The following ACTN2 variants were observed in gnomAD, a reference collection of about 807,000 sequenced individuals.
The protein encoded by ACTN2 is actinin alpha 2.
A neutral mutation model predicts 113.8 loss-of-function variants in ACTN2; 39 were observed. That is an observed-to-expected ratio of 0.34 (90% confidence interval 0.27 to 0.45). The LOEUF (loss-of-function observed/expected upper bound fraction) is 0.45. Among genes scored for constraint, ACTN2 ranks in the 20% least tolerant of loss-of-function variants. The probability of loss-of-function intolerance (pLI) is 1.00; values close to 1 mark genes in which losing one functional copy is unlikely to be tolerated. For synonymous variants in ACTN2, 429 were observed against 444.1 expected (o/e 0.97, Z 0.43); for missense variants, 992 against 1,177.9 (o/e 0.84, Z 2.31).
In ACTN2 at chr1:236,754,989, TC is replaced by T; in HGVS notation, c.1975-29del. The T allele has an allele frequency of 6.2e-7, 1 of 1,614,020 alleles. No homozygotes were observed. The highest frequency in any genetic ancestry group is 1.3e-5 in the African/African-American group (1 of 75,036). On this transcript the variant is annotated intron_variant, in intron 16 of 20. Transcript: ENST00000366578. The surrounding 1 kb of genome is among the most constrained non-coding windows in gnomAD (Gnocchi z 4.9). ...CTTAGAGGGCACTTCACTCTGCTTC[TC>T]TCTCTGCTTGCTCACTCGCCCCCCT... is the stretch of plus-strand genomic sequence containing the variant.
At chr1:236,693,196 CACACACACACACACACACAG>C (rs1469674458) in intron 1 of ACTN2, among the ~76,000 whole-genome samples, 2 of 132,674 alleles carry the variant, frequency 1.5e-5, no homozygotes, top group African/African-American at 5.2e-5. Context: ...CACACACACA[CACACACACACACACACACAG>C]AGTTTTCTAG....
chr1:236,751,744 G>A (rs1014964250), intron 15 of ACTN2, 92 bp downstream of exon 15: 11 of 1,467,106 alleles, frequency 7.5e-6, no homozygotes, highest in African/African-American at 7.0e-5. Context: ...TTAGGGTGAC[G>A]GCCTCATTTT....
In ACTN2 at chr1:236,742,949, G is replaced by A. The variant is rs1488282189; in HGVS notation, c.1161G>A (p.Glu387=). The change falls in exon 11 of 21, where the codon GAG becomes GAA. Residue 387 remains glutamate, a synonymous_variant. Coordinates refer to ENST00000366578, the MANE Select transcript of ACTN2 (RefSeq NM_001103.4). ...RLEQAEKGYE[E]WLLNEIRRLE... ...AGCAGGCTGAGAAGGGTTACGAGGA[G>A]TGGTTGCTCAATGAGATTCGGAGAC... 1.2e-6 allele frequency: 2 copies of A among 1,614,208 alleles called. No homozygotes were observed. Among genetic ancestry groups the A allele is most frequent in the Admixed American group, 3.3e-5 (2 of 60,020 alleles).
chr1:236,755,549 A>G (rs1171762322), intron 17 of ACTN2, among the ~76,000 whole-genome samples: 1 of 152,202 alleles, frequency 6.6e-6, no homozygotes, highest in East Asian at 1.9e-4. Context: ...TCATCCTGCT[A>G]CTTGGTAAAT....
At chr1:236,737,297 G>GTATTTATA in intron 9 of ACTN2, 83 bp downstream of exon 9, 42 of 322,064 alleles carry the variant, frequency 1.3e-4, no homozygotes, top group South Asian at 3.7e-4. Context: ...CTCCGTGGGG[G>GTATTTATA]CATATATATA....
chr1:236,753,780 A>C, intron 15 of ACTN2, 167 bp from the exon 16 acceptor site: 2 of 813,806 alleles, frequency 2.5e-6, no homozygotes, highest in African/African-American at 1.7e-5. Flanking sequence ...TCCCTAGACT[A>C]GGGACTCCTC....
At position 236,686,577 on chromosome 1, in the gene ACTN2, G is replaced by C; in HGVS notation, c.-97G>C. The C allele has an allele frequency of 2.3e-6, 3 of 1,322,700 alleles. No individual in the cohort carries two copies. The highest frequency in any genetic ancestry group is 4.1e-5 in the Admixed American group (1 of 24,602). 81.9% of individuals were successfully genotyped at this position (1,322,700 alleles called of 1,614,324 possible). On this transcript the variant is annotated 5_prime_UTR_variant, in exon 1 of 21. Transcript: ENST00000366578. ...GCCGCGCGAAGGTCACCCCGCGCCC[G>C]CCGCCCGCCGCCCGCCGCCTCCGTG... is the stretch of plus-strand genomic sequence containing the variant.
chr1:236,753,273 T>C (rs770559704), intron 15 of ACTN2, among the ~76,000 whole-genome samples: 26 of 152,308 alleles, frequency 1.7e-4, no homozygotes, highest in South Asian at 6.2e-4. Context: ...TATATTGAAA[T>C]GTAGTTATTC....
intron 19 of ACTN2, 58 bp from the exon 20 acceptor site, chr1:236,760,957 G>A (rs969679745): frequency 2.5e-6 from 4 of 1,608,260 alleles, no homozygotes; most frequent in African/African-American, 2.7e-5. Flanking sequence ...GAATGAAAAC[G>A]GCTCTGTTGA....
chr1:236,758,763 G>A (rs1261728505), intron 18 of ACTN2, among the ~76,000 whole-genome samples: 2 of 151,944 alleles, frequency 1.3e-5, no homozygotes, highest in Non-Finnish European at 2.9e-5. Context: ...GGGATTACAG[G>A]CATATGCCAC....
At chr1:236,690,614 A>C (rs894089714) in intron 1 of ACTN2, among the ~76,000 whole-genome samples, 1 of 152,232 alleles carries the variant, frequency 6.6e-6, no homozygotes, top group African/African-American at 2.4e-5. Context: ...TATACATTGT[A>C]AAGTGATCTG....
At chr1:236,703,433 CTTTTTTTTTTTTTT>C (rs35432183) in intron 1 of ACTN2, among the ~76,000 whole-genome samples, 5 of 98,838 alleles carry the variant, frequency 5.1e-5, no homozygotes, top group Non-Finnish European at 1.0e-4. Context: ...GGCCTACTAC[CTTTTTTTTTTTTTT>C]TTTTTTTTTT....
chr1:236,721,859 G>C (rs1203521085), intron 4 of ACTN2, among the ~76,000 whole-genome samples: 1 of 152,092 alleles, frequency 6.6e-6, no homozygotes, highest in East Asian at 1.9e-4. Context: ...TTTTAAATTA[G>C]TGATAATATG....
At chr1:236,755,322 G>C (rs1360864119) in intron 17 of ACTN2, 124 bp downstream of exon 17, 4 of 1,179,698 alleles carry the variant, frequency 3.4e-6, no homozygotes, top group Non-Finnish European at 5.0e-6. Flanking sequence ...ATGAAAGTTA[G>C]GGATCTTTAA....
intron 7 of ACTN2, among the ~76,000 whole-genome samples, chr1:236,734,226 T>A (rs1046543495): frequency 3.3e-5 from 5 of 152,206 alleles, no homozygotes; most frequent in African/African-American, 1.2e-4. Flanking sequence ...TGGCAATTCC[T>A]TTGTTTCCTT....
Position 236,764,428 on chromosome 1 carries a change from C to G in ACTN2, c.*1809C>G, listed in dbSNP as rs1192207318. On this transcript the variant is annotated 3_prime_UTR_variant, in exon 21 of 21. Coordinates refer to ENST00000366578, the MANE Select transcript of ACTN2 (RefSeq NM_001103.4). ...GGTGTGGGTAACTCATCTACCTAAA[C>G]TTTTAATTTCTTTACAACATTCAGC... 2 of 152,114 alleles carry G rather than the reference C, an allele frequency of 1.3e-5. No individual in the cohort carries two copies. The highest frequency in any genetic ancestry group is 2.9e-5 in the Non-Finnish European group (2 of 68,022). 9.4% of individuals were successfully genotyped at this position (152,114 alleles called of 1,614,324 possible).
At chr1:236,738,593 T>G (rs1471358507) in intron 9 of ACTN2, among the ~76,000 whole-genome samples, 1 of 152,234 alleles carries the variant, frequency 6.6e-6, no homozygotes, top group African/African-American at 2.4e-5. Flanking sequence ...ACTCTAGGTA[T>G]ATCACCATTT....
intron 1 of ACTN2, among the ~76,000 whole-genome samples, chr1:236,697,859 G>T (rs1055139692): frequency 6.6e-6 from 1 of 150,806 alleles, no homozygotes; most frequent in Admixed American, 6.6e-5. Flanking sequence ...CGCCTCCCAG[G>T]TTCAAGCCTC....
chr1:236,734,430 C>T (rs2102915149), intron 7 of ACTN2: 1 of 1,531,572 alleles, frequency 6.5e-7, no homozygotes, highest in Non-Finnish European at 8.7e-7. Context: ...TTTCTCCACA[C>T]AGATTTAGTA....
Sources: gnomAD v4.1 joint callset for allele counts (sites outside exome capture counted in the v4.1 genomes callset) on GRCh38, gnomAD v4.1.1 for gene constraint, Gnocchi (gnomAD v3.1) non-coding constraint, MANE v1.5 for transcripts, NCBI Gene and HGNC (gene_info 2026-07-23, HGNC 2026-07-21) for gene names.